The following CNTNAP2 variants were observed in gnomAD, a reference collection of about 807,000 sequenced individuals.
The protein encoded by CNTNAP2 is contactin-associated protein-like 2.
A neutral mutation model predicts 155.2 loss-of-function variants in CNTNAP2; 98 were observed. The ratio of observed to expected loss-of-function variants is 0.63; its 90% CI spans 0.54 to 0.75. The LOEUF (loss-of-function observed/expected upper bound fraction) is 0.75, where lower values mean the gene tolerates loss of function less well. Among genes scored for constraint, CNTNAP2 ranks in the 30% least tolerant of loss-of-function variants. The pLI is 0.00. For missense variants in CNTNAP2, 1,727 were observed against 1,688.1 expected, an observed-to-expected ratio of 1.02 and a Z score of -0.40; for synonymous variants, 651 against 631.2, an observed-to-expected ratio of 1.03 and a Z score of -0.47.
At chr7:147,566,909 G>C (rs922144571) in intron 12 of CNTNAP2, among the ~76,000 whole-genome samples, 1 of 152,136 alleles carries the variant, frequency 6.6e-6, no homozygotes, top group Non-Finnish European at 1.5e-5. Flanking sequence ...GAGCATTTGG[G>C]GGGCAAACAG....
chr7:147,562,513 A>G (rs953457065), intron 12 of CNTNAP2, among the ~76,000 whole-genome samples: 2 of 152,122 alleles, frequency 1.3e-5, no homozygotes, highest in Non-Finnish European at 2.9e-5. Flanking sequence ...ATGTAGGGGG[A>G]AAAAAACAGA....
chr7:146,659,211 GGTTA>G (rs1800044090), intron 1 of CNTNAP2, among the ~76,000 whole-genome samples: 1 of 152,314 alleles, frequency 6.6e-6, no homozygotes, highest in South Asian at 2.1e-4. Flanking sequence ...AATGTTAGAA[GGTTA>G]GTTAGTTACC....
intron 5 of CNTNAP2, among the ~76,000 whole-genome samples, chr7:147,118,849 CTGTT>C (rs911430460): frequency 1.3e-5 from 2 of 152,152 alleles, no homozygotes; most frequent in South Asian, 2.1e-4. Flanking sequence ...TGGTGCATGA[CTGTT>C]TGTGGAAAAC....
chr7:147,669,506 C>T (rs1189573913), intron 13 of CNTNAP2, among the ~76,000 whole-genome samples: 2 of 152,034 alleles, frequency 1.3e-5, no homozygotes, highest in Admixed American at 1.3e-4. Context: ...AATATTGTAC[C>T]CTGACCAACT....
intron 15 of CNTNAP2, among the ~76,000 whole-genome samples, chr7:148,036,236 A>G: frequency 6.6e-6 from 1 of 152,174 alleles, no homozygotes; most frequent in Middle Eastern, 3.2e-3. Context: ...TAGATTGAAT[A>G]TATTTTGCAT....
chr7:148,205,125 G>T (rs1231653313), intron 18 of CNTNAP2, among the ~76,000 whole-genome samples: 2 of 152,194 alleles, frequency 1.3e-5, no homozygotes, highest in African/African-American at 4.8e-5. Context: ...GAATTAAAAT[G>T]GTGTTTGTCC....
intron 13 of CNTNAP2, among the ~76,000 whole-genome samples, chr7:147,733,556 A>G (rs1198572744): frequency 6.6e-6 from 1 of 152,188 alleles, no homozygotes; most frequent in Non-Finnish European, 1.5e-5. Context: ...TTCTGTGAAG[A>G]AAGTCATTGG....
chr7:147,190,457 A>G (rs1336444783), intron 8 of CNTNAP2, among the ~76,000 whole-genome samples: 1 of 152,192 alleles, frequency 6.6e-6, no homozygotes, highest in Non-Finnish European at 1.5e-5. Flanking sequence ...TTCTCTGGGA[A>G]TAAGATGTAT....
At chr7:147,361,385 C>A (rs1157111332) in intron 9 of CNTNAP2, among the ~76,000 whole-genome samples, 1 of 152,168 alleles carries the variant, frequency 6.6e-6, no homozygotes, top group Non-Finnish European at 1.5e-5. Context: ...CAATTTTCAA[C>A]AAGATGTTCC....
chr7:148,398,160 C>T (rs146130404), intron 22 of CNTNAP2, among the ~76,000 whole-genome samples: 25 of 152,280 alleles, frequency 1.6e-4, no homozygotes, highest in African/African-American at 4.8e-4. Context: ...CCCTTCTAAC[C>T]GCACAGTGGA....
At chr7:146,469,028 C>T (rs1434577571) in intron 1 of CNTNAP2, among the ~76,000 whole-genome samples, 3 of 152,152 alleles carry the variant, frequency 2.0e-5, no homozygotes, top group Non-Finnish European at 4.4e-5. Context: ...ATTCTAAAGG[C>T]AATAAATTGA....
chr7:147,621,130 G>A (rs1356225243), intron 12 of CNTNAP2, among the ~76,000 whole-genome samples: 2 of 152,116 alleles, frequency 1.3e-5, no homozygotes, highest in African/African-American at 4.8e-5. Context: ...AGTATATCTG[G>A]TGATGATATC....
At chr7:148,195,789 A>G (rs1255750140) in intron 18 of CNTNAP2, among the ~76,000 whole-genome samples, 16 of 152,280 alleles carry the variant, frequency 1.1e-4, no homozygotes, top group African/African-American at 3.1e-4. Flanking sequence ...GCACCTGAAG[A>G]CCATTTTTAT....
chr7:147,626,685 C>T lies in CNTNAP2; in HGVS notation c.1898-12421C>T, dbSNP rs556977307. Reference sequence around the variant, plus strand: ...ACTGCAGCTGTTGCTGTCTTGGAAACACCACCTTCTGGTTGGAGGCCAACC... The same window carrying T: ...ACTGCAGCTGTTGCTGTCTTGGAAATACCACCTTCTGGTTGGAGGCCAACC... On this transcript the variant is annotated intron_variant, in intron 12 of 23. Transcript: ENST00000361727. Among the ~76,000 whole-genome samples the T allele has an allele frequency of 1.1e-4, 17 of 152,336 alleles. No individual in the cohort carries two copies. The East Asian group carries it at 3.3e-3, about 29-fold the overall frequency.
chr7:146,320,427 A>G (rs1359301927), intron 1 of CNTNAP2, among the ~76,000 whole-genome samples: 2 of 152,188 alleles, frequency 1.3e-5, no homozygotes, highest in Non-Finnish European at 2.9e-5. Flanking sequence ...ATTCATTATT[A>G]TACTGAGGCA....
At chr7:147,983,154 C>T (rs115162564) in intron 15 of CNTNAP2, among the ~76,000 whole-genome samples, 142 of 152,092 alleles carry the variant, frequency 9.3e-4, no homozygotes, top group African/African-American at 3.2e-3. Flanking sequence ...ATAATACCCA[C>T]GAGCATACAT....
At chr7:147,821,672 G>A (rs982983181) in intron 13 of CNTNAP2, among the ~76,000 whole-genome samples, 1 of 152,050 alleles carries the variant, frequency 6.6e-6, no homozygotes, top group Non-Finnish European at 1.5e-5. Context: ...GGAGGAACCT[G>A]CAAAGGAAAA....
intron 1 of CNTNAP2, among the ~76,000 whole-genome samples, chr7:146,333,401 G>T (rs1345216236): frequency 6.6e-6 from 1 of 152,162 alleles, no homozygotes; most frequent in Non-Finnish European, 1.5e-5. Context: ...TATAAGTAAA[G>T]ATGCACTGCT....
intron 1 of CNTNAP2, among the ~76,000 whole-genome samples, chr7:146,229,905 A>G (rs1215193287): frequency 1.3e-5 from 2 of 152,196 alleles, no homozygotes; most frequent in Non-Finnish European, 2.9e-5. Flanking sequence ...CAGCAGAGTC[A>G]ATCGTGACTG....
Sources: gnomAD v4.1 joint callset for allele counts (sites outside exome capture counted in the v4.1 genomes callset) on GRCh38, gnomAD v4.1.1 for gene constraint, MANE v1.5 for transcripts, NCBI Gene and HGNC (gene_info 2026-07-23, HGNC 2026-07-21) for gene names.